The following AKT3 variants were observed in gnomAD, a reference collection of about 807,000 sequenced individuals.
AKT3 encodes the protein RAC-gamma serine/threonine-protein kinase.
A neutral mutation model predicts 65.3 loss-of-function variants in AKT3; 15 were observed. The ratio of observed to expected loss-of-function variants is 0.23; its 90% CI spans 0.15 to 0.35. AKT3 has a LOEUF of 0.35. Ranked by LOEUF, AKT3 falls within the 10% of genes least tolerant of loss-of-function variation. AKT3 has a pLI of 1.00. For missense variants in AKT3, 243 were observed against 576.5 expected, an observed-to-expected ratio of 0.42 and a Z score of 5.92; for synonymous variants, 206 against 183.8, an observed-to-expected ratio of 1.12 and a Z score of -0.98.
At chr1:243,797,303 T>C (rs1427261011) in intron 2 of AKT3, among the ~76,000 whole-genome samples, 1 of 152,176 alleles carries the variant, frequency 6.6e-6, no homozygotes, top group African/African-American at 2.4e-5. Context: ...TATACTTTCT[T>C]CACAGAACTT....
intron 6 of AKT3, among the ~76,000 whole-genome samples, chr1:243,622,720 TTGA>T (rs2148623737): frequency 6.6e-6 from 1 of 152,244 alleles, no homozygotes; most frequent in African/African-American, 2.4e-5. Flanking sequence ...ACAATGACAG[TTGA>T]TGAAGGTATA....
intron 2 of AKT3, among the ~76,000 whole-genome samples, chr1:243,712,045 C>T (rs1234501413): frequency 1.3e-5 from 2 of 152,132 alleles, no homozygotes; most frequent in Non-Finnish European, 2.9e-5. Context: ...ACAAACCATA[C>T]CCTCTCACTT....
At chr1:243,763,046 G>T (rs575477114) in intron 2 of AKT3, among the ~76,000 whole-genome samples, 1 of 151,866 alleles carries the variant, frequency 6.6e-6, no homozygotes, top group African/African-American at 2.4e-5. Flanking sequence ...AAATTGTACG[G>T]CTTATTACTC....
chr1:243,555,310 G>A (rs555350187), intron 10 of AKT3, among the ~76,000 whole-genome samples: 2 of 152,160 alleles, frequency 1.3e-5, no homozygotes, highest in South Asian at 4.1e-4. Flanking sequence ...TCTCCAAACA[G>A]CTATAAGATG....
At chr1:243,740,494 T>C (rs1572258374) in intron 2 of AKT3, among the ~76,000 whole-genome samples, 2 of 152,298 alleles carry the variant, frequency 1.3e-5, no homozygotes, top group East Asian at 1.9e-4. Context: ...TTGAAACTAG[T>C]AGGCTGCAGA....
chr1:243,734,695 C>T (rs914960828), intron 2 of AKT3, among the ~76,000 whole-genome samples: 6 of 152,052 alleles, frequency 3.9e-5, no homozygotes, highest in Non-Finnish European at 8.8e-5. Context: ...TCATAAACAC[C>T]GTACACTTAG....
At chr1:243,729,400 A>G (rs1214886914) in intron 2 of AKT3, among the ~76,000 whole-genome samples, 2 of 152,202 alleles carry the variant, frequency 1.3e-5, no homozygotes, top group African/African-American at 4.8e-5. Context: ...TCAAAATACT[A>G]GTGAAAATAA....
At chr1:243,562,867 C>A (rs1210982860) in intron 10 of AKT3, among the ~76,000 whole-genome samples, 4 of 152,098 alleles carry the variant, frequency 2.6e-5, no homozygotes, top group Non-Finnish European at 5.9e-5. Flanking sequence ...TTGCTGTGCC[C>A]ATTTGCATTC....
chr1:243,745,002 C>T (rs986559713), intron 2 of AKT3, among the ~76,000 whole-genome samples: 1 of 151,612 alleles, frequency 6.6e-6, no homozygotes, highest in African/African-American at 2.4e-5. Context: ...TTAAATTTTC[C>T]TGTTATGATC....
intron 2 of AKT3, among the ~76,000 whole-genome samples, chr1:243,780,747 C>T (rs979784376): frequency 1.3e-5 from 2 of 151,710 alleles, no homozygotes; most frequent in African/African-American, 4.8e-5. Flanking sequence ...TTATACAGGG[C>T]TGAATTATGT....
chr1:243,812,879 T>C (rs1187657993), intron 2 of AKT3, among the ~76,000 whole-genome samples: 1 of 152,018 alleles, frequency 6.6e-6, no homozygotes. Context: ...GGGACATGGA[T>C]GAAGCTGGAA....
rs552987637 is a variant in AKT3 at position 243,667,426 on chromosome 1, T to C, written c.173-2543A>G. Among the ~76,000 whole-genome samples, 15 of 152,236 alleles carry C rather than the reference T, an allele frequency of 9.9e-5. No individual in the cohort carries two copies. In the South Asian group the frequency reaches 2.7e-3, roughly 27 times the overall value. On this transcript the variant is annotated intron_variant, in intron 3 of 13. Coordinates refer to ENST00000673466, the MANE Select transcript of AKT3 (RefSeq NM_005465.7). Reference sequence around the variant, plus strand: ...TCACATGACACCTCCATCCTTTCAATTGCCCAAGCTGAAAACCCAAGAATT... The same window carrying C: ...TCACATGACACCTCCATCCTTTCAACTGCCCAAGCTGAAAACCCAAGAATT...
intron 13 of AKT3, among the ~76,000 whole-genome samples, chr1:243,507,384 T>G (rs1294619282): frequency 6.6e-6 from 1 of 152,192 alleles, no homozygotes; most frequent in Non-Finnish European, 1.5e-5. Context: ...TTCACAGATA[T>G]CCCTGAGGGC....
Position 243,503,198 on chromosome 1 carries a change from A to T in AKT3, c.*2051T>A, listed in dbSNP as rs1295045969. ...AAGGATGAACTTCACTCAGGTAGAAATATGAAAAAGAAGGATAACGTTGAT... is the reference window on the plus strand; with the variant it reads ...AAGGATGAACTTCACTCAGGTAGAATTATGAAAAAGAAGGATAACGTTGAT... On this transcript the variant is annotated 3_prime_UTR_variant, in exon 14 of 14. Transcript: ENST00000673466. 4.3e-6 allele frequency: 1 copy of T among 233,738 alleles called. No homozygotes were observed. The highest frequency in any genetic ancestry group is 2.2e-5 in the African/African-American group (1 of 45,462). The allele number at this position is 233,738 out of a possible 1,614,324, so 14.5% of individuals were successfully genotyped here.
At chr1:243,766,224 T>C (rs1390680917) in intron 2 of AKT3, among the ~76,000 whole-genome samples, 2 of 152,162 alleles carry the variant, frequency 1.3e-5, no homozygotes, top group African/African-American at 2.4e-5. Flanking sequence ...ATATGTGCAC[T>C]GCTCTCAACT....
At chr1:243,511,326 G>T (rs1205384576) in intron 13 of AKT3, among the ~76,000 whole-genome samples, 1 of 152,116 alleles carries the variant, frequency 6.6e-6, no homozygotes, top group African/African-American at 2.4e-5. Flanking sequence ...CCAGACCATG[G>T]TCCCAAGATT....
At chr1:243,510,819 G>A (rs1478729380) in intron 13 of AKT3, among the ~76,000 whole-genome samples, 1 of 152,212 alleles carries the variant, frequency 6.6e-6, no homozygotes, top group Non-Finnish European at 1.5e-5. Flanking sequence ...GGAATGATGT[G>A]GTCTGATTAC....
downstream of AKT3, among the ~76,000 whole-genome samples, chr1:243,495,734 C>T (rs533576178): frequency 7.3e-4 from 111 of 152,334 alleles, no homozygotes; most frequent in Admixed American, 6.9e-3. Flanking sequence ...GTTTCCCCGA[C>T]GTTCTGCCCA....
At chr1:243,520,796 T>A (rs1163263496) in intron 12 of AKT3, among the ~76,000 whole-genome samples, 1 of 152,216 alleles carries the variant, frequency 6.6e-6, no homozygotes, top group East Asian at 1.9e-4. Context: ...CAACTTCAAG[T>A]CCGTATGGTG....
Sources: gnomAD v4.1 joint callset for allele counts (sites outside exome capture counted in the v4.1 genomes callset) on GRCh38, gnomAD v4.1.1 for gene constraint, MANE v1.5 for transcripts, NCBI Gene and HGNC (gene_info 2026-07-23, HGNC 2026-07-21) for gene names.